Variants in DLG2 observed in about 807,000 individuals in gnomAD.
The protein encoded by DLG2 is discs large MAGUK scaffold protein 2, also known as disks large homolog 2.
Under a neutral mutation model 132.5 loss-of-function variants are expected in DLG2, and 45 were observed. The ratio of observed to expected loss-of-function variants is 0.34; its 90% CI spans 0.27 to 0.44. The LOEUF (loss-of-function observed/expected upper bound fraction) is 0.44, where lower values mean the gene tolerates loss of function less well. Among genes scored for constraint, DLG2 ranks in the 20% least tolerant of loss-of-function variants. The pLI, the probability that DLG2 is intolerant of heterozygous loss-of-function variation, is 1.00. For missense variants in DLG2, 1,045 were observed against 1,196.9 expected (o/e 0.87, Z 1.87); for synonymous variants, 424 against 419.6 (o/e 1.01, Z -0.13).
chr11:85,595,792 A>G (rs1235592824), intron 3 of DLG2, among the ~76,000 whole-genome samples: 1 of 152,228 alleles, frequency 6.6e-6, no homozygotes, highest in African/African-American at 2.4e-5. Context: ...ATTTTCAAAA[A>G]TATTAAAAAT....
At chr11:83,913,418 G>C (rs2076398941) in intron 15 of DLG2, among the ~76,000 whole-genome samples, 1 of 151,996 alleles carries the variant, frequency 6.6e-6, no homozygotes. Context: ...GCACATTGCT[G>C]GCACTAGGGA....
intron 7 of DLG2, among the ~76,000 whole-genome samples, chr11:84,420,156 G>C (rs1323101804): frequency 6.6e-6 from 1 of 152,148 alleles, no homozygotes; most frequent in Non-Finnish European, 1.5e-5. Context: ...TCTTAGTAAA[G>C]TATACGGTTA....
intron 16 of DLG2, among the ~76,000 whole-genome samples, chr11:83,852,115 A>G (rs1348933433): frequency 6.6e-6 from 1 of 152,112 alleles, no homozygotes; most frequent in Admixed American, 6.5e-5. Flanking sequence ...GCCTGCTAAC[A>G]CTTTGATTTT....
intron 18 of DLG2, among the ~76,000 whole-genome samples, chr11:83,672,232 G>T (rs1171662682): frequency 1.3e-5 from 2 of 151,084 alleles, no homozygotes; most frequent in African/African-American, 4.9e-5. Context: ...TGTTGCCCAG[G>T]CTACTGCAAT....
intron 6 of DLG2, among the ~76,000 whole-genome samples, chr11:84,793,414 C>T (rs925692016): frequency 3.3e-5 from 5 of 152,068 alleles, no homozygotes; most frequent in African/African-American, 1.2e-4. Flanking sequence ...TCTATTAGGT[C>T]CATTTGTCCT....
At chr11:85,054,827 T>A (rs573767) in intron 6 of DLG2, among the ~76,000 whole-genome samples, 59,011 of 151,904 alleles carry the variant, frequency 0.39, 11,611 homozygotes, top group South Asian at 0.57. Flanking sequence ...ACTTGTAGAC[T>A]TAAAAATGCC....
At position 83,753,835 on chromosome 11, in the gene DLG2, G is replaced by C. The variant is rs960681887; in HGVS notation, c.1825+32855C>G. ...TCATATATATATTTCATATATATAT[G>C]ATATATATCATATATATCATATATA... On this transcript the variant is annotated intron_variant, in intron 18 of 27. Coordinates refer to ENST00000376104, the MANE Select transcript of DLG2 (RefSeq NM_001142699.3). Among the ~76,000 whole-genome samples the C allele has an allele frequency of 1.4e-3, 25 of 18,350 alleles. 2 individuals are homozygous for C. Among genetic ancestry groups the C allele is most frequent in the African/African-American group, 7.7e-3 (13 of 1,680 alleles). The allele number at this position is 18,350 out of a possible 152,430, so 12.0% of individuals were successfully genotyped here. A position where few individuals can be genotyped will look rare whatever the true frequency, so the allele number is the denominator to read the frequency against.
intron 16 of DLG2, among the ~76,000 whole-genome samples, chr11:83,862,700 T>C (rs535303846): frequency 6.6e-6 from 1 of 152,254 alleles, no homozygotes; most frequent in Admixed American, 6.5e-5. Flanking sequence ...TTCATAATAT[T>C]ACTGTCTACA....
chr11:85,473,316 C>A (rs961185205), intron 3 of DLG2, among the ~76,000 whole-genome samples: 3 of 152,158 alleles, frequency 2.0e-5, no homozygotes, highest in Non-Finnish European at 4.4e-5. Context: ...AACAGCCCCC[C>A]AAAAATCCTG....
At chr11:84,416,331 T>C (rs899780672) in intron 7 of DLG2, among the ~76,000 whole-genome samples, 8 of 152,200 alleles carry the variant, frequency 5.3e-5, no homozygotes, top group Admixed American at 3.9e-4. Flanking sequence ...GAAAAATCAG[T>C]GTTTCCAGAG....
chr11:85,473,424 T>C (rs1198109216), intron 3 of DLG2, among the ~76,000 whole-genome samples: 1 of 152,174 alleles, frequency 6.6e-6, no homozygotes, highest in Non-Finnish European at 1.5e-5. Flanking sequence ...CAAACAGTTT[T>C]AAACAAGCAA....
intron 7 of DLG2, among the ~76,000 whole-genome samples, chr11:84,284,504 T>C (rs1288925091): frequency 6.6e-6 from 1 of 152,230 alleles, no homozygotes; most frequent in African/African-American, 2.4e-5. Context: ...TCTGGAATCA[T>C]ATGCCCAGTA....
chr11:83,640,618 C>G lies in DLG2; in HGVS notation c.1826-7293G>C, dbSNP rs1365595214. The stretch of plus-strand genomic sequence containing the variant: ...CTAATTGCTGGGGATACCGAATCCA[C>G]TGAACAGATTTTTTTCCTCAAGAGG... On this transcript the variant is annotated intron_variant, in intron 18 of 27. Transcript: ENST00000376104. 5.9e-5 allele frequency among the ~76,000 whole-genome samples: 9 copies of G among 152,170 alleles called. 1 individual carries two copies. The highest frequency in any genetic ancestry group is 2.6e-4 in the Admixed American group (4 of 15,274).
chr11:83,926,467 T>C (rs187278866), intron 15 of DLG2, among the ~76,000 whole-genome samples: 87 of 152,244 alleles, frequency 5.7e-4, no homozygotes, highest in Non-Finnish European at 1.8e-4. Context: ...ATCCTAAAAA[T>C]CAGGCATTTC....
At chr11:85,113,171 T>C (rs2073046790) in intron 5 of DLG2, among the ~76,000 whole-genome samples, 1 of 152,038 alleles carries the variant, frequency 6.6e-6, no homozygotes, top group Non-Finnish European at 1.5e-5. Flanking sequence ...GAAGGTACAC[T>C]GGTCAGATAA....
intron 3 of DLG2, among the ~76,000 whole-genome samples, chr11:85,351,787 G>A (rs936900758): frequency 1.3e-5 from 2 of 152,198 alleles, no homozygotes; most frequent in Non-Finnish European, 2.9e-5. Flanking sequence ...TAAGCTTTTT[G>A]AAGTGCTGCT....
chr11:84,002,028 C>A (rs1162427206), intron 11 of DLG2, among the ~76,000 whole-genome samples: 1 of 151,882 alleles, frequency 6.6e-6, no homozygotes, highest in African/African-American at 2.4e-5. Context: ...AAGAACAAAC[C>A]CATCCCCAAA....
intron 3 of DLG2, among the ~76,000 whole-genome samples, chr11:85,518,952 G>A (rs1231272570): frequency 2.0e-5 from 3 of 152,222 alleles, no homozygotes; most frequent in Non-Finnish European, 2.9e-5. Flanking sequence ...TGTTGAGCCT[G>A]TGGGTGCACA....
intron 6 of DLG2, chr11:84,923,373 A>T: frequency 8.8e-7 from 1 of 1,139,272 alleles, no homozygotes; most frequent in Non-Finnish European, 1.1e-6. Flanking sequence ...AGCGTCTGAA[A>T]GTTAAGACCT....
Sources: gnomAD v4.1 joint callset for allele counts (sites outside exome capture counted in the v4.1 genomes callset) on GRCh38, gnomAD v4.1.1 for gene constraint, MANE v1.5 for transcripts, NCBI Gene and HGNC (gene_info 2026-07-23, HGNC 2026-07-21) for gene names.